Variants in NAV3 observed in about 807,000 individuals in gnomAD.
NAV3 encodes the protein pore membrane and/or filament interacting like protein 1.
A neutral mutation model predicts 244.7 loss-of-function variants in NAV3; 87 were observed. The observed-to-expected ratio is 0.36, with a 90% CI of 0.30 to 0.42. NAV3 has a LOEUF of 0.42. Among genes scored for constraint, NAV3 ranks in the 20% least tolerant of loss-of-function variants. NAV3 has a pLI of 1.00. For synonymous variants in NAV3, 1,126 were observed against 1,042.2 expected (o/e 1.08, Z -1.55); for missense variants, 2,663 against 2,893.3 (o/e 0.92, Z 1.83).
chr12:77,650,119 G>A (rs776182901), intron 2 of NAV3, among the ~76,000 whole-genome samples: 12 of 152,120 alleles, frequency 7.9e-5, no homozygotes, highest in Non-Finnish European at 1.3e-4. Context: ...AAGTGCCTCC[G>A]AGGTGCCAGG....
chr12:78,098,690 G>T (rs1954381525), intron 12 of NAV3, among the ~76,000 whole-genome samples: 1 of 150,272 alleles, frequency 6.7e-6, no homozygotes, highest in Non-Finnish European at 1.5e-5. Flanking sequence ...GAAAAACAAA[G>T]AAACAGATTT....
At chr12:78,018,117 T>A (rs1442692251) in intron 8 of NAV3, among the ~76,000 whole-genome samples, 1 of 152,146 alleles carries the variant, frequency 6.6e-6, no homozygotes, top group Non-Finnish European at 1.5e-5. Flanking sequence ...CTAAGTTAGA[T>A]CACTCATGTA....
At chr12:77,764,859 T>C (rs1302033943) in intron 2 of NAV3, among the ~76,000 whole-genome samples, 2 of 152,256 alleles carry the variant, frequency 1.3e-5, no homozygotes, top group Non-Finnish European at 2.9e-5. Flanking sequence ...TTTTGGAAAC[T>C]ATCCCAGTTC....
intron 1 of NAV3, among the ~76,000 whole-genome samples, chr12:77,866,507 C>T (rs1880054714): frequency 6.6e-6 from 1 of 152,156 alleles, no homozygotes; most frequent in Non-Finnish European, 1.5e-5. Context: ...TTCCTCCTAT[C>T]CCACATCAAG....
intron 2 of NAV3, among the ~76,000 whole-genome samples, chr12:77,809,317 TCTC>T (rs1872164346): frequency 6.6e-6 from 1 of 152,154 alleles, no homozygotes; most frequent in South Asian, 2.1e-4. Flanking sequence ...CCTGAGGAAA[TCTC>T]CTGGTCTGTG....
chr12:77,693,413 A>T (rs1875128308), intron 2 of NAV3, among the ~76,000 whole-genome samples: 1 of 151,632 alleles, frequency 6.6e-6, no homozygotes, highest in Admixed American at 6.6e-5. Context: ...CCAGTCTATA[A>T]CCTAGAAATC....
intron 2 of NAV3, among the ~76,000 whole-genome samples, chr12:77,781,992 C>T (rs1001012291): frequency 2.6e-5 from 4 of 152,136 alleles, no homozygotes; most frequent in African/African-American, 9.7e-5. Flanking sequence ...AGAGCATTTA[C>T]ATGAAGATAT....
At chr12:78,103,757 G>A (rs1039177469) in intron 12 of NAV3, among the ~76,000 whole-genome samples, 4 of 152,104 alleles carry the variant, frequency 2.6e-5, no homozygotes, top group Non-Finnish European at 4.4e-5. Context: ...TAAAACCATC[G>A]GACCTTGTAA....
Position 78,012,612 on chromosome 12 carries a change from G to A in NAV3, c.1907+5167G>A, listed in dbSNP as rs568458889. Among the ~76,000 whole-genome samples the A allele has an allele frequency of 4.6e-5, 7 of 151,826 alleles. No individual in the cohort carries two copies. In the East Asian group the frequency reaches 1.4e-3, roughly 29 times the overall value. On this transcript the variant is annotated intron_variant, in intron 8 of 39. Coordinates refer to ENST00000397909, the MANE Select transcript of NAV3 (RefSeq NM_001024383.2). ...CTATATTGCTTTAGAACATATCTTT[G>A]GCATATATGTTCATTTATGACTGTA...
At chr12:78,114,675 A>G (rs142272738) in intron 12 of NAV3, among the ~76,000 whole-genome samples, 2 of 152,304 alleles carry the variant, frequency 1.3e-5, no homozygotes, top group African/African-American at 2.4e-5. Context: ...GGGAACTACT[A>G]CAATTCAAGA....
At chr12:78,085,572 G>T (rs1166854984) in intron 12 of NAV3, among the ~76,000 whole-genome samples, 1 of 152,128 alleles carries the variant, frequency 6.6e-6, no homozygotes, top group African/African-American at 2.4e-5. Flanking sequence ...TAAAGTGATT[G>T]TGAAAATGAT....
At chr12:77,982,531 T>A (rs1316265983) in intron 5 of NAV3, among the ~76,000 whole-genome samples, 1 of 152,150 alleles carries the variant, frequency 6.6e-6, no homozygotes, top group African/African-American at 2.4e-5. Context: ...ACGAAGGAAA[T>A]GCCATTTCAC....
chr12:78,001,845 G>T (rs1048015868), intron 7 of NAV3, among the ~76,000 whole-genome samples: 1 of 152,176 alleles, frequency 6.6e-6, no homozygotes, highest in Non-Finnish European at 1.5e-5. Flanking sequence ...AATGAAAACA[G>T]CATCATTTGT....
At chr12:78,128,893 G>T (rs1158788653) in intron 18 of NAV3, 27 bp downstream of exon 18, 2 of 1,604,392 alleles carry the variant, frequency 1.2e-6, no homozygotes, top group Non-Finnish European at 1.7e-6. Flanking sequence ...TATTGATTTT[G>T]TTTTGTTTCT....
At chr12:77,945,628 A>T (rs750384029) in intron 3 of NAV3, among the ~76,000 whole-genome samples, 2 of 152,200 alleles carry the variant, frequency 1.3e-5, no homozygotes, top group African/African-American at 4.8e-5. Context: ...GTAGAAAAGA[A>T]AGTATATTAA....
At chr12:78,183,965 C>G (rs1958604128) in intron 30 of NAV3, among the ~76,000 whole-genome samples, 1 of 151,778 alleles carries the variant, frequency 6.6e-6, no homozygotes, top group Non-Finnish European at 1.5e-5. Flanking sequence ...TTGACTGAAT[C>G]TTTTTCCCTT....
At chr12:77,641,084 A>G (rs1872389901) in intron 2 of NAV3, among the ~76,000 whole-genome samples, 2 of 152,114 alleles carry the variant, frequency 1.3e-5, no homozygotes, top group Non-Finnish European at 1.5e-5. Flanking sequence ...TCTCATTCCT[A>G]TGCCTCTCTG....
chr12:77,672,638 A>C (rs1283408727), intron 2 of NAV3, among the ~76,000 whole-genome samples: 1 of 151,972 alleles, frequency 6.6e-6, no homozygotes, highest in African/African-American at 2.4e-5. Flanking sequence ...CTATGAGGAC[A>C]CACAAGCATA....
chr12:78,007,784 G>A (rs906030650), intron 8 of NAV3, among the ~76,000 whole-genome samples: 1 of 152,114 alleles, frequency 6.6e-6, no homozygotes. Flanking sequence ...ATTACTAGCG[G>A]CAGACTTTTA....
Sources: allele counts gnomAD v4.1 joint callset (sites outside exome capture counted in the v4.1 genomes callset), GRCh38; gene constraint gnomAD v4.1.1; transcripts MANE v1.5; gene names NCBI Gene and HGNC (gene_info 2026-07-23, HGNC 2026-07-21).